MCTP2: variants seen among roughly 807,000 people sequenced by gnomAD.
MCTP2 encodes multiple C2 and transmembrane domain-containing protein 2.
A neutral mutation model predicts 111.6 loss-of-function variants in MCTP2; 132 were observed. That is an observed-to-expected ratio of 1.18 (90% CI 1.03 to 1.37). MCTP2 has a LOEUF of 1.37. MCTP2 is among the 40% of genes most tolerant of loss of function. The pLI, the probability that MCTP2 is intolerant of heterozygous loss-of-function variation, is 0.00. For synonymous variants in MCTP2, 395 were observed against 387.7 expected (o/e 1.02, Z -0.22); for missense variants, 1,183 against 1,067.9 (o/e 1.11, Z -1.50).
chr15:94,416,728 T>C (rs17549323), intron 17 of MCTP2, among the ~76,000 whole-genome samples: 23,725 of 152,100 alleles, frequency 0.16, 2,071 homozygotes, highest in Non-Finnish European at 0.2. Flanking sequence ...ACAGAAAATA[T>C]AGTGCAGAAT....
intron 8 of MCTP2, among the ~76,000 whole-genome samples, chr15:94,351,806 C>T (rs2078318860): frequency 1.3e-5 from 2 of 152,156 alleles, no homozygotes; most frequent in African/African-American, 4.8e-5. Context: ...TCTGGAGTGC[C>T]ACCTAGTTGA....
intron 19 of MCTP2, among the ~76,000 whole-genome samples, chr15:94,455,452 T>C (rs764390857): frequency 2.6e-4 from 40 of 152,046 alleles, no homozygotes; most frequent in Admixed American, 1.4e-3. Flanking sequence ...GTTGTTTTTT[T>C]TTTTTAGACG....
chr15:94,266,811 A>G (rs553123216), intron 1 of MCTP2, among the ~76,000 whole-genome samples: 140 of 152,366 alleles, frequency 9.2e-4, no homozygotes, highest in African/African-American at 3.0e-3. Flanking sequence ...GAGTCAGAAA[A>G]TGAAGCAGAT....
Position 94,479,184 on chromosome 15 carries a change from G to C in MCTP2, c.*150G>C. ...TACTTCCTCCTCCTTCACGTGCACA[G>C]ACATACACACATGTGCACACACCCT... On this transcript the variant is annotated 3_prime_UTR_variant, in exon 23 of 23. Coordinates refer to ENST00000357742, the MANE Select transcript of MCTP2 (RefSeq NM_001385001.1). 2 of 729,372 alleles carry C rather than the reference G, an allele frequency of 2.7e-6. No individual in the cohort carries two copies. Among genetic ancestry groups the C allele is most frequent in the South Asian group, 1.6e-5 (1 of 61,284 alleles). 45.2% of individuals were successfully genotyped at this position (729,372 alleles called of 1,614,324 possible).
chr15:94,474,783 T>C (rs2074215713), intron 21 of MCTP2, among the ~76,000 whole-genome samples: 2 of 152,168 alleles, frequency 1.3e-5, no homozygotes, highest in African/African-American at 4.8e-5. Context: ...ATTGAAACTT[T>C]TGATCCTGGA....
intron 14 of MCTP2, among the ~76,000 whole-genome samples, chr15:94,390,040 T>A: frequency 7.4e-6 from 1 of 134,868 alleles, no homozygotes; most frequent in Admixed American, 7.8e-5. Context: ...TGATGGTGAA[T>A]GTTCAAGGCA....
intron 1 of MCTP2, among the ~76,000 whole-genome samples, chr15:94,243,249 G>A (rs1341814504): frequency 6.7e-6 from 1 of 148,534 alleles, no homozygotes; most frequent in African/African-American, 2.5e-5. Context: ...ATGCGTATAT[G>A]CGTATATACA....
chr15:94,407,661 T>A (rs1054356193), intron 17 of MCTP2, among the ~76,000 whole-genome samples: 7 of 152,124 alleles, frequency 4.6e-5, no homozygotes, highest in African/African-American at 1.7e-4. Context: ...ATATATAGAA[T>A]TTTTAGCTTT....
intron 1 of MCTP2, among the ~76,000 whole-genome samples, chr15:94,258,128 G>A (rs939171759): frequency 2.8e-4 from 40 of 144,096 alleles, no homozygotes; most frequent in Non-Finnish European, 9.0e-5. Context: ...TGCCTGTCTC[G>A]TCCTCCCAAA....
Position 94,339,427 on chromosome 15 carries a change from G to C in MCTP2, c.775G>C (p.Val259Leu). ...CCAAAGCCTTGATCAAAAGCTACGT[G>C]TGAAGGTAATCACAGATAGCTTTCA... ...PIQSLDQKLR[V>L]KVYDRDLTTS... Residue 259 changes from valine to leucine, a missense_variant, in exon 5 of 23, where the codon GTG becomes CTG. Val to Leu is a conservative substitution (Grantham distance 32, BLOSUM62 1). Transcript: ENST00000357742. 1.3e-6 allele frequency: 2 copies of C among 1,594,352 alleles called. No individual in the cohort carries two copies. Among genetic ancestry groups the C allele is most frequent in the Non-Finnish European group, 1.7e-6 (2 of 1,172,714 alleles).
chr15:94,407,387 T>C (rs1189087595), intron 17 of MCTP2, among the ~76,000 whole-genome samples: 1 of 152,232 alleles, frequency 6.6e-6, no homozygotes, highest in Admixed American at 6.5e-5. Context: ...TGATGGATTC[T>C]TTGCTTTATT....
chr15:94,446,283 G>A (rs1160304273), intron 19 of MCTP2, among the ~76,000 whole-genome samples: 3 of 152,250 alleles, frequency 2.0e-5, no homozygotes, highest in East Asian at 3.9e-4. Flanking sequence ...AATACCTGAC[G>A]GCTCATGTAA....
At chr15:94,413,611 C>T (rs1349732053) in intron 17 of MCTP2, among the ~76,000 whole-genome samples, 2 of 151,334 alleles carry the variant, frequency 1.3e-5, no homozygotes, top group African/African-American at 2.4e-5. Context: ...GACATTCCTT[C>T]ATATCATAGT....
intron 1 of MCTP2, among the ~76,000 whole-genome samples, chr15:94,296,914 A>C (rs779287026): frequency 9.9e-5 from 15 of 152,202 alleles, no homozygotes; most frequent in Admixed American, 1.3e-4. Context: ...TATAGAGACA[A>C]AGTCCTGACT....
chr15:94,334,734 TGGG>T (rs578255537), intron 4 of MCTP2, among the ~76,000 whole-genome samples: 1 of 151,662 alleles, frequency 6.6e-6, no homozygotes, highest in Non-Finnish European at 1.5e-5. Flanking sequence ...TCGGTGGAGA[TGGG>T]GGGTCTCACT....
intron 1 of MCTP2, among the ~76,000 whole-genome samples, chr15:94,251,435 T>C (rs1488978994): frequency 6.6e-6 from 1 of 152,044 alleles, no homozygotes; most frequent in Non-Finnish European, 1.5e-5. Flanking sequence ...CTCAGCTCAC[T>C]GCAACCTCCA....
chr15:94,478,911 C>G, intron 22 of MCTP2, 55 bp from the exon 23 acceptor site: 1 of 1,527,898 alleles, frequency 6.5e-7, no homozygotes, highest in East Asian at 2.3e-5. Context: ...TTAGCACACA[C>G]TGTGGCGAGC....
chr15:94,376,910 C>T (rs1023564144), intron 12 of MCTP2, among the ~76,000 whole-genome samples: 9 of 152,088 alleles, frequency 5.9e-5, no homozygotes, highest in Non-Finnish European at 1.0e-4. Flanking sequence ...AATAGCTTGG[C>T]GTGTTCATCT....
intron 2 of MCTP2, among the ~76,000 whole-genome samples, chr15:94,304,220 T>A (rs2075778456): frequency 6.6e-6 from 1 of 152,190 alleles, no homozygotes; most frequent in Non-Finnish European, 1.5e-5. Context: ...CATGGGTGGA[T>A]CACTTGAGGT....
Sources: gnomAD v4.1 joint callset for allele counts (sites outside exome capture counted in the v4.1 genomes callset) on GRCh38, gnomAD v4.1.1 for gene constraint, MANE v1.5 for transcripts, NCBI Gene and HGNC (gene_info 2026-07-23, HGNC 2026-07-21) for gene names.